Variants in SLC9A9 observed in about 807,000 individuals in gnomAD.
SLC9A9 encodes solute carrier family 9 member A9.
Under a neutral mutation model 77.8 loss-of-function variants are expected in SLC9A9, and 62 were observed. The observed-to-expected ratio is 0.80, with a 90% CI of 0.65 to 0.98. The LOEUF is 0.98. Ranked by LOEUF, SLC9A9 falls within the 50% of genes least tolerant of loss-of-function variation. The pLI, the probability that SLC9A9 is intolerant of heterozygous loss-of-function variation, is 0.00. For missense variants in SLC9A9, 775 were observed against 774.9 expected (o/e 1.00, Z 0.00); for synonymous variants, 320 against 283.5 (o/e 1.13, Z -1.29).
chr3:143,557,970 T>C (rs940253429), intron 8 of SLC9A9, among the ~76,000 whole-genome samples: 13 of 152,232 alleles, frequency 8.5e-5, no homozygotes, highest in African/African-American at 3.1e-4. Context: ...CTCCAAGGCA[T>C]GTCAGAGACC....
intron 9 of SLC9A9, among the ~76,000 whole-genome samples, chr3:143,543,429 T>C (rs528690668): frequency 6.6e-6 from 1 of 152,146 alleles, no homozygotes; most frequent in South Asian, 2.1e-4. Flanking sequence ...ACTACACGTG[T>C]ACTTTTGTTA....
At chr3:143,442,492 C>T (rs1277714859) in intron 12 of SLC9A9, among the ~76,000 whole-genome samples, 2 of 151,996 alleles carry the variant, frequency 1.3e-5, no homozygotes, top group African/African-American at 2.4e-5. Context: ...GAGGCTGAGG[C>T]GGGTAGATCA....
At chr3:143,443,366 T>C (rs954125127) in intron 12 of SLC9A9, among the ~76,000 whole-genome samples, 2 of 152,094 alleles carry the variant, frequency 1.3e-5, no homozygotes, top group Admixed American at 1.3e-4. Flanking sequence ...AGCATAATAG[T>C]GTTTTAAGAC....
intron 6 of SLC9A9, among the ~76,000 whole-genome samples, chr3:143,594,022 G>A (rs1172798057): frequency 1.3e-5 from 2 of 152,182 alleles, no homozygotes; most frequent in African/African-American, 4.8e-5. Context: ...CAATGGAGGG[G>A]AAGGAGGGTA....
intron 14 of SLC9A9, among the ~76,000 whole-genome samples, chr3:143,278,565 T>C (rs1395332982): frequency 6.6e-6 from 1 of 152,186 alleles, no homozygotes; most frequent in African/African-American, 2.4e-5. Context: ...ATCCTTGGTG[T>C]TCCCTGGCTG....
At chr3:143,743,241 G>GGATGGATAGATAGATA (rs1459309618) in intron 4 of SLC9A9, among the ~76,000 whole-genome samples, 64 of 133,674 alleles carry the variant, frequency 4.8e-4, no homozygotes, top group Middle Eastern at 3.7e-3. Flanking sequence ...ATGGATGGAT[G>GGATGGATAGATAGATA]GATAGATAGA....
At chr3:143,690,037 A>G (rs1310621789) in intron 5 of SLC9A9, among the ~76,000 whole-genome samples, 1 of 152,070 alleles carries the variant, frequency 6.6e-6, no homozygotes, top group East Asian at 1.9e-4. Context: ...GCTCAACCAC[A>G]CAGAGAAATT....
chr3:143,388,429 C>G (rs56152928), intron 12 of SLC9A9, among the ~76,000 whole-genome samples: 42,467 of 152,122 alleles, frequency 0.28, 6,473 homozygotes, highest in Non-Finnish European at 0.35. Context: ...ATTTCACTTC[C>G]ATTATTTGCT....
intron 9 of SLC9A9, among the ~76,000 whole-genome samples, chr3:143,513,692 A>G (rs2036156569): frequency 6.6e-6 from 1 of 152,214 alleles, no homozygotes; most frequent in African/African-American, 2.4e-5. Context: ...CTTAAATAAG[A>G]AAGTCAAAAT....
At chr3:143,633,675 C>T (rs2038465285) in intron 6 of SLC9A9, among the ~76,000 whole-genome samples, 1 of 152,130 alleles carries the variant, frequency 6.6e-6, no homozygotes, top group African/African-American at 2.4e-5. Flanking sequence ...TTGGCTGATA[C>T]TGGCAAAAAG....
At chr3:143,511,200 A>G (rs2036110764) in intron 9 of SLC9A9, among the ~76,000 whole-genome samples, 1 of 152,182 alleles carries the variant, frequency 6.6e-6, no homozygotes, top group African/African-American at 2.4e-5. Flanking sequence ...AAAACAGTCA[A>G]GTAAAGAGGG....
intron 9 of SLC9A9, among the ~76,000 whole-genome samples, chr3:143,519,058 A>G (rs9829438): frequency 0.22 from 33,692 of 152,230 alleles, 4,844 homozygotes; most frequent in Non-Finnish European, 0.33. Flanking sequence ...TGTGCCAGCT[A>G]CTGTTGTAGG....
At chr3:143,371,529 C>T (rs1396477830) in intron 13 of SLC9A9, among the ~76,000 whole-genome samples, 1 of 152,040 alleles carries the variant, frequency 6.6e-6, no homozygotes, top group Non-Finnish European at 1.5e-5. Flanking sequence ...AAAGCATGAC[C>T]TGAAGCCAGA....
At chr3:143,273,459 A>G (rs377046573) in intron 14 of SLC9A9, among the ~76,000 whole-genome samples, 2 of 152,146 alleles carry the variant, frequency 1.3e-5, no homozygotes, top group African/African-American at 4.8e-5. Context: ...CAAAGAAGAG[A>G]TCATGTGAGA....
intron 12 of SLC9A9, among the ~76,000 whole-genome samples, chr3:143,408,026 C>T (rs186792743): frequency 1.3e-3 from 205 of 152,280 alleles, no homozygotes; most frequent in East Asian, 5.2e-3. Context: ...CAGATGGTGG[C>T]CTTCTCATTG....
chr3:143,396,834 G>A (rs781034693), intron 12 of SLC9A9, among the ~76,000 whole-genome samples: 1 of 152,126 alleles, frequency 6.6e-6, no homozygotes, highest in African/African-American at 2.4e-5. Context: ...GTTTATGATG[G>A]AGGTTTTGGA....
At chr3:143,802,432 A>G (rs1215069764) in intron 2 of SLC9A9, among the ~76,000 whole-genome samples, 1 of 152,124 alleles carries the variant, frequency 6.6e-6, no homozygotes, top group African/African-American at 2.4e-5. Context: ...GCCCCTGCCC[A>G]GGATTGGCAA....
At chr3:143,547,963 C>T (rs2036816899) in intron 9 of SLC9A9, among the ~76,000 whole-genome samples, 1 of 152,080 alleles carries the variant, frequency 6.6e-6, no homozygotes, top group African/African-American at 2.4e-5. Context: ...ACAAAGTAGG[C>T]TCTCAAAAAA....
chr3:143,427,869 A>C (rs895829605), intron 12 of SLC9A9, among the ~76,000 whole-genome samples: 4 of 152,186 alleles, frequency 2.6e-5, no homozygotes, highest in Admixed American at 6.5e-5. Context: ...TCTGCTCAAG[A>C]AACTACCCCT....
Sources: allele counts gnomAD v4.1 joint callset (sites outside exome capture counted in the v4.1 genomes callset), GRCh38; gene constraint gnomAD v4.1.1; transcripts MANE v1.5; gene names NCBI Gene and HGNC (gene_info 2026-07-23, HGNC 2026-07-21).